Variants in SLC4A4 observed in about 807,000 individuals in gnomAD.
SLC4A4 encodes the protein electrogenic sodium bicarbonate cotransporter 1.
In SLC4A4, 27 loss-of-function variants were observed where a neutral mutation model predicts 111.5. The ratio of observed to expected loss-of-function variants is 0.24; its 90% CI spans 0.18 to 0.33. The LOEUF is 0.33. Among genes scored for constraint, SLC4A4 ranks in the 10% least tolerant of loss-of-function variants. SLC4A4 has a pLI of 1.00. For missense variants in SLC4A4, 909 were observed against 1,315.5 expected, an observed-to-expected ratio of 0.69 and a Z score of 4.78; for synonymous variants, 443 against 463.4, an observed-to-expected ratio of 0.96 and a Z score of 0.57.
At chr4:71,071,932 T>C (rs566864999) in intron 1 of SLC4A4, among the ~76,000 whole-genome samples, 1 of 152,240 alleles carries the variant, frequency 6.6e-6, no homozygotes, top group Non-Finnish European at 1.5e-5. Flanking sequence ...GTTAAAGGCA[T>C]GTACACTTGA....
chr4:71,375,823 C>T (rs1399420202), intron 6 of SLC4A4, among the ~76,000 whole-genome samples: 1 of 152,000 alleles, frequency 6.6e-6, no homozygotes, highest in Non-Finnish European at 1.5e-5. Flanking sequence ...TATATAGCTG[C>T]TTTCATGCTA....
rs560230454 is a variant in SLC4A4, at chr4:71,090,114, C to T, written c.-64-2616C>T. Among the ~76,000 whole-genome samples the T allele has an allele frequency of 1.1e-3, 164 of 152,206 alleles. 3 individuals carry two copies. The highest frequency in any genetic ancestry group is 3.6e-3 in the African/African-American group (151 of 41,458). ...GCAATGGCGGGCGCCACTCCCCCAG[C>T]CTCGCTGCCACCTTGCAGTTTGATC... On this transcript the variant is annotated intron_variant, in intron 1 of 26. Transcript: ENST00000649996.
At chr4:71,201,152 A>T (rs2579301) in intron 1 of SLC4A4, among the ~76,000 whole-genome samples, 1 of 152,164 alleles carries the variant, frequency 6.6e-6, no homozygotes, top group Admixed American at 6.5e-5. Flanking sequence ...ACTGAGGGAC[A>T]CTACCTGTTG....
At chr4:71,372,418 A>C (rs1416585221) in intron 6 of SLC4A4, among the ~76,000 whole-genome samples, 1 of 152,246 alleles carries the variant, frequency 6.6e-6, no homozygotes, top group African/African-American at 2.4e-5. Context: ...TTTCAGGACA[A>C]GTTAATACCC....
intron 1 of SLC4A4, among the ~76,000 whole-genome samples, chr4:71,079,504 A>C (rs1741932225): frequency 6.6e-6 from 1 of 152,190 alleles, no homozygotes; most frequent in South Asian, 2.1e-4. Flanking sequence ...GGCCTGGTGC[A>C]GTAGCTAATG....
chr4:71,132,357 G>A (rs1743729781), intron 2 of SLC4A4, among the ~76,000 whole-genome samples: 1 of 152,092 alleles, frequency 6.6e-6, no homozygotes, highest in Admixed American at 6.5e-5. Context: ...CTCAAAGAAA[G>A]CTGCAAAATT....
intron 7 of SLC4A4, among the ~76,000 whole-genome samples, chr4:71,410,326 T>C (rs1027092805): frequency 6.6e-6 from 1 of 152,146 alleles, no homozygotes; most frequent in South Asian, 2.1e-4. Context: ...GAATGTACTC[T>C]GCAAAGCCAC....
intron 2 of SLC4A4, among the ~76,000 whole-genome samples, chr4:71,129,136 C>A (rs1211119754): frequency 1.3e-5 from 2 of 152,096 alleles, no homozygotes; most frequent in East Asian, 3.9e-4. Flanking sequence ...AACTAAAGAG[C>A]TTTTGCACAG....
chr4:71,397,708 T>C (rs1719957209), intron 7 of SLC4A4, 55 bp downstream of exon 7: 1 of 1,462,814 alleles, frequency 6.8e-7, no homozygotes, highest in Admixed American at 1.7e-5. Flanking sequence ...ATCTAAAAGA[T>C]GCTGAGAAAG....
chr4:71,368,280 ATTAT>A (rs1238010856), intron 6 of SLC4A4, among the ~76,000 whole-genome samples: 2 of 152,232 alleles, frequency 1.3e-5, no homozygotes, highest in Non-Finnish European at 2.9e-5. Context: ...AGCCTGCAAC[ATTAT>A]TTAATCTTTG....
intron 7 of SLC4A4, among the ~76,000 whole-genome samples, chr4:71,439,392 C>T (rs566512642): frequency 2.2e-5 from 3 of 133,870 alleles, no homozygotes; most frequent in African/African-American, 8.3e-5. Context: ...CGCGCCACTG[C>T]ACCACTGCAC....
intron 6 of SLC4A4, among the ~76,000 whole-genome samples, chr4:71,361,839 A>G (rs528317094): frequency 6.6e-6 from 1 of 152,336 alleles, no homozygotes; most frequent in South Asian, 2.1e-4. Flanking sequence ...TTTTATTAGA[A>G]AGTAAAAGTA....
chr4:71,505,782 C>T (rs112591120), intron 16 of SLC4A4, among the ~76,000 whole-genome samples: 33 of 151,996 alleles, frequency 2.2e-4, no homozygotes, highest in African/African-American at 6.7e-4. Context: ...GTGTCCTGAA[C>T]GGTATTGCCT....
intron 14 of SLC4A4, among the ~76,000 whole-genome samples, chr4:71,475,449 A>C (rs1728278512): frequency 6.6e-6 from 1 of 151,896 alleles, no homozygotes; most frequent in Non-Finnish European, 1.5e-5. Context: ...GGTGGAATCT[A>C]TTTTACACTT....
intron 3 of SLC4A4, chr4:71,300,904 G>C: frequency 1.9e-6 from 1 of 520,512 alleles, no homozygotes; most frequent in African/African-American, 1.9e-5. Flanking sequence ...TAGGTGCTGG[G>C]GTCCATGTCA....
At chr4:71,516,562 C>G (rs1732417297) in intron 16 of SLC4A4, among the ~76,000 whole-genome samples, 1 of 152,148 alleles carries the variant, frequency 6.6e-6, no homozygotes, top group African/African-American at 2.4e-5. Context: ...TGTACTGCCC[C>G]ACTGGGTTTC....
chr4:71,451,321 G>C lies in SLC4A4; in HGVS notation c.1322+20G>C. ...TGGACGGTAACTGACAGTTTCCTTT[G>C]CCATTCATGATGAGGTTCTCCTTAA... On this transcript the variant is annotated intron_variant, in intron 11 of 25. Coordinates refer to ENST00000264485, the MANE Select transcript of SLC4A4 (RefSeq NM_001098484.3). The C allele has an allele frequency of 6.9e-7, 1 of 1,449,786 alleles. No individual in the cohort carries two copies. Among genetic ancestry groups the C allele is most frequent in the Non-Finnish European group, 9.7e-7 (1 of 1,029,892 alleles). 89.8% of individuals were successfully genotyped at this position (1,449,786 alleles called of 1,614,324 possible).
intron 12 of SLC4A4, among the ~76,000 whole-genome samples, chr4:71,462,705 G>A (rs1464441980): frequency 1.3e-5 from 2 of 151,998 alleles, no homozygotes; most frequent in Non-Finnish European, 2.9e-5. Flanking sequence ...CGCTATGCCC[G>A]GCTGTCATCT....
At chr4:71,456,615 G>T (rs1318669916) in intron 12 of SLC4A4, among the ~76,000 whole-genome samples, 2 of 152,124 alleles carry the variant, frequency 1.3e-5, no homozygotes, top group African/African-American at 4.8e-5. Flanking sequence ...GGCAGAAGTT[G>T]ATTCATTCCT....
Sources: gnomAD v4.1 joint callset for allele counts (sites outside exome capture counted in the v4.1 genomes callset) on GRCh38, gnomAD v4.1.1 for gene constraint, MANE v1.5 for transcripts, NCBI Gene and HGNC (gene_info 2026-07-23, HGNC 2026-07-21) for gene names.